Variants in XPO1 observed in about 807,000 individuals in gnomAD.
XPO1 encodes the protein exportin-1.
Under a neutral mutation model 133.3 loss-of-function variants are expected in XPO1, and 5 were observed. The ratio of observed to expected loss-of-function variants is 0.04; its 90% confidence interval spans 0.02 to 0.08. The LOEUF (loss-of-function observed/expected upper bound fraction) is 0.08. Ranked by LOEUF, XPO1 falls within the 10% of genes least tolerant of loss-of-function variation. The pLI, the probability that XPO1 is intolerant of heterozygous loss-of-function variation, is 1.00. For missense variants in XPO1, 506 were observed against 1,267.5 expected (o/e 0.40, Z 9.12); for synonymous variants, 419 against 408.2 (o/e 1.03, Z -0.32).
intron 4 of XPO1, among the ~76,000 whole-genome samples, chr2:61,507,840 G>A (rs188630492): frequency 3.1e-4 from 47 of 152,170 alleles, no homozygotes; most frequent in African/African-American, 1.1e-3. Flanking sequence ...TGCATTCCTA[G>A]TGAGCTGAAA....
At chr2:61,505,990 T>C (rs1573166121) in intron 4 of XPO1, among the ~76,000 whole-genome samples, 1 of 152,340 alleles carries the variant, frequency 6.6e-6, no homozygotes, top group South Asian at 2.1e-4. Flanking sequence ...AAAACCCCCA[T>C]GGCCAGGTAC....
intron 9 of XPO1, among the ~76,000 whole-genome samples, chr2:61,497,354 C>T (rs538616544): frequency 1.3e-5 from 2 of 152,108 alleles, no homozygotes; most frequent in Admixed American, 6.6e-5. Flanking sequence ...TGGGACTACA[C>T]ATGCATGCCA....
chr2:61,507,324 G>A (rs892309542), intron 4 of XPO1, among the ~76,000 whole-genome samples: 2 of 151,546 alleles, frequency 1.3e-5, no homozygotes, highest in Non-Finnish European at 2.9e-5. Flanking sequence ...CTGTAATCCT[G>A]GAGCTTTGGA....
chr2:61,514,578 G>C (rs1698265308), intron 4 of XPO1, among the ~76,000 whole-genome samples: 1 of 145,208 alleles, frequency 6.9e-6, no homozygotes, highest in African/African-American at 2.6e-5. Context: ...GGGCGACAGA[G>C]CAAGACTCTG....
chr2:61,493,074 A>G, intron 12 of XPO1, 21 bp from the exon 13 acceptor site: 2 of 1,546,552 alleles, frequency 1.3e-6, no homozygotes, highest in Non-Finnish European at 8.6e-7. Flanking sequence ...CAATATATCA[A>G]TCAAGAAAAA....
intron 12 of XPO1, 107 bp downstream of exon 12, chr2:61,493,787 G>T: frequency 8.1e-7 from 1 of 1,230,006 alleles, no homozygotes; most frequent in Non-Finnish European, 1.1e-6. Flanking sequence ...AAGTTGTTGG[G>T]TTCTCTTTTT....
rs1206838088 is a variant in XPO1, at chr2:61,477,899, T to C, written c.*921A>G. On this transcript the variant is annotated 3_prime_UTR_variant, in exon 25 of 25. Coordinates refer to ENST00000401558, the MANE Select transcript of XPO1 (RefSeq NM_003400.4). ...GCTTAAACACAAATACCCACTATCA[T>C]TAATATAGGAATAAATGAGTCAATA... 2 of 210,686 alleles carry C rather than the reference T, an allele frequency of 9.5e-6. No individual in the cohort carries two copies. Among genetic ancestry groups the C allele is most frequent in the Non-Finnish European group, 1.9e-5 (2 of 103,680 alleles). The allele number at this position is 210,686 out of a possible 1,614,324, so 13.1% of individuals were successfully genotyped here.
intron 9 of XPO1, among the ~76,000 whole-genome samples, 153 bp downstream of exon 9, chr2:61,498,520 A>C (rs1441658189): frequency 6.6e-6 from 1 of 152,354 alleles, no homozygotes; most frequent in African/African-American, 2.4e-5. Flanking sequence ...TAAATAATTT[A>C]CTAGGTGTGA....
At position 61,522,592 on chromosome 2, in the gene XPO1, T is replaced by C; in HGVS notation, c.301+19A>G. On this transcript the variant is annotated intron_variant, in intron 4 of 24. Transcript: ENST00000401558. The stretch of plus-strand genomic sequence containing the variant: ...CAGGAAAAACAAAACTCTGAATTTA[T>C]AATTCTTTATTTTCCTACCTTCGCA... 1 of 1,604,830 alleles carries C rather than the reference T, an allele frequency of 6.2e-7. No individual in the cohort carries two copies. The highest frequency in any genetic ancestry group is 8.5e-7 in the Non-Finnish European group (1 of 1,173,116).
chr2:61,500,357 G>A lies in XPO1; in HGVS notation c.409-463C>T, dbSNP rs1042698268. On this transcript the variant is annotated intron_variant, in intron 6 of 24. Transcript: ENST00000401558. ...GCACTTTGGGAGGCCGAGGTAGGAG[G>A]ATCACGAGGTCAGGAGTTCAAGACC... Among the ~76,000 whole-genome samples, 4 of 151,912 alleles carry A rather than the reference G, an allele frequency of 2.6e-5. No homozygotes were observed. In the South Asian group the frequency reaches 6.2e-4, roughly 24 times the overall value.
intron 3 of XPO1, among the ~76,000 whole-genome samples, chr2:61,523,958 A>G (rs1415953712): frequency 6.6e-6 from 1 of 152,230 alleles, no homozygotes; most frequent in Non-Finnish European, 1.5e-5. Flanking sequence ...ATTTGATGCT[A>G]TTAAAATGTT....
intron 1 of XPO1, among the ~76,000 whole-genome samples, chr2:61,534,843 C>T (rs1573236149): frequency 6.6e-6 from 1 of 150,984 alleles, no homozygotes; most frequent in Non-Finnish European, 1.5e-5. Flanking sequence ...TACACTCAAA[C>T]CATTCAAATT....
At chr2:61,517,023 C>A (rs1341936675) in intron 4 of XPO1, among the ~76,000 whole-genome samples, 1 of 152,104 alleles carries the variant, frequency 6.6e-6, no homozygotes. Flanking sequence ...CTTGCCTCAG[C>A]CTCTCAATTA....
chr2:61,531,337 A>G (rs1424838806), intron 2 of XPO1, among the ~76,000 whole-genome samples: 1 of 152,232 alleles, frequency 6.6e-6, no homozygotes, highest in African/African-American at 2.4e-5. Context: ...ACTTTGGGAA[A>G]GTTAACCTAT....
chr2:61,492,940 C>T lies in XPO1; in HGVS notation c.1359G>A (p.Leu453=), dbSNP rs1336349376. The T allele has an allele frequency of 2.5e-6, 4 of 1,604,910 alleles. No homozygotes were observed. The highest frequency in any genetic ancestry group is 1.3e-5 in the African/African-American group (1 of 74,432). The part of the protein sequence containing the change: ...EFMKDTDSIN[L]YKNMRETLVY... ...CCAATGTTTCCCTCATATTCTTATA[C>T]AAATTTATGGAATCTGTATCCTTCA... The change falls in exon 13 of 25, where the codon TTG becomes TTA. Residue 453 remains leucine, a synonymous_variant. Transcript: ENST00000401558. The surrounding 1 kb of genome is among the most constrained non-coding windows in gnomAD (Gnocchi z 5.6).
At chr2:61,524,084 G>T (rs1218807432) in intron 3 of XPO1, among the ~76,000 whole-genome samples, 3 of 152,108 alleles carry the variant, frequency 2.0e-5, no homozygotes, top group Non-Finnish European at 4.4e-5. Flanking sequence ...CCAAATGCCT[G>T]AAGTTCTTAA....
intron 2 of XPO1, among the ~76,000 whole-genome samples, chr2:61,527,428 C>A (rs541014617): frequency 6.6e-6 from 1 of 151,842 alleles, no homozygotes; most frequent in South Asian, 2.1e-4. Flanking sequence ...ATCAAGGTTG[C>A]ACCGAGCTAT....
intron 12 of XPO1, 55 bp downstream of exon 12, chr2:61,493,839 G>T (rs1697112963): frequency 1.3e-6 from 2 of 1,569,152 alleles, no homozygotes; most frequent in South Asian, 1.1e-5. Flanking sequence ...TTTGGATTCA[G>T]ACCTCAAAAC....
intron 4 of XPO1, among the ~76,000 whole-genome samples, chr2:61,513,380 TTTTGA>T (rs1392157262): frequency 2.0e-5 from 3 of 149,044 alleles, no homozygotes; most frequent in Non-Finnish European, 3.0e-5. Flanking sequence ...TTTTTTTTTT[TTTTGA>T]GAGAGAGTCT....
Sources: gnomAD v4.1 joint callset for allele counts (sites outside exome capture counted in the v4.1 genomes callset) on GRCh38, gnomAD v4.1.1 for gene constraint, Gnocchi (gnomAD v3.1) non-coding constraint, MANE v1.5 for transcripts, NCBI Gene and HGNC (gene_info 2026-07-23, HGNC 2026-07-21) for gene names.